PRKN: variants seen among roughly 807,000 people sequenced by gnomAD.
PRKN encodes E3 ubiquitin-protein ligase parkin.
In PRKN, 56 loss-of-function variants were observed where a neutral mutation model predicts 59.5. The ratio of observed to expected loss-of-function variants is 0.94; its 90% confidence interval spans 0.76 to 1.18. The LOEUF (loss-of-function observed/expected upper bound fraction) is 1.18. PRKN is among the 50% of genes most tolerant of loss of function. The pLI is 0.00. For synonymous variants in PRKN, 250 were observed against 222.1 expected, an observed-to-expected ratio of 1.13 and a Z score of -1.12; for missense variants, 657 against 596.4, an observed-to-expected ratio of 1.10 and a Z score of -1.06.
intron 9 of PRKN, among the ~76,000 whole-genome samples, chr6:161,524,931 T>C (rs1778964611): frequency 6.6e-6 from 1 of 152,170 alleles, no homozygotes; most frequent in Non-Finnish European, 1.5e-5. Flanking sequence ...TTGCATCCGT[T>C]TGATGTAGGA....
At chr6:162,414,524 G>A (rs1205041210) in intron 2 of PRKN, among the ~76,000 whole-genome samples, 3 of 151,370 alleles carry the variant, frequency 2.0e-5, no homozygotes, top group Admixed American at 2.0e-4. Context: ...TGGCTAACAT[G>A]GTGAAACCCC....
At chr6:162,479,281 G>T (rs1022740361) in intron 1 of PRKN, among the ~76,000 whole-genome samples, 1 of 151,348 alleles carries the variant, frequency 6.6e-6, no homozygotes, top group African/African-American at 2.4e-5. Context: ...GTTGGAGTGC[G>T]GTGGTGTGAT....
At chr6:162,100,922 T>A (rs921929195) in intron 4 of PRKN, among the ~76,000 whole-genome samples, 4 of 152,196 alleles carry the variant, frequency 2.6e-5, no homozygotes, top group Non-Finnish European at 5.9e-5. Context: ...CATTTTTAAA[T>A]TGGGTTACTT....
At chr6:162,009,013 G>T (rs553317320) in intron 5 of PRKN, among the ~76,000 whole-genome samples, 1 of 151,936 alleles carries the variant, frequency 6.6e-6, no homozygotes, top group African/African-American at 2.4e-5. Context: ...CCAGCACTTT[G>T]GGAGGCTGAG....
Position 161,395,832 on chromosome 6 carries a change from G to C in PRKN, c.1084-8955C>G, listed in dbSNP as rs1399970665. Among the ~76,000 whole-genome samples the C allele has an allele frequency of 6.6e-6, 1 of 152,200 alleles. No homozygotes were observed. Among genetic ancestry groups the C allele is most frequent in the Non-Finnish European group, 1.5e-5 (1 of 68,038 alleles). ...TGACTTTCCTCAGCTCAACACACATGGAGCTGGTCGTCTCATTCTGATGGG... is the reference window on the plus strand; with the variant it reads ...TGACTTTCCTCAGCTCAACACACATCGAGCTGGTCGTCTCATTCTGATGGG... On this transcript the variant is annotated intron_variant, in intron 9 of 11. Coordinates refer to ENST00000366898, the MANE Select transcript of PRKN (RefSeq NM_004562.3). The surrounding 1 kb of genome is among the most constrained non-coding windows in gnomAD (Gnocchi z 5.0).
chr6:162,075,424 G>C (rs1778781226), intron 4 of PRKN, among the ~76,000 whole-genome samples: 1 of 151,448 alleles, frequency 6.6e-6, no homozygotes, highest in Non-Finnish European at 1.5e-5. Context: ...GTGTAGTATA[G>C]TACTCTAACT....
rs372300268 is a variant in PRKN at position 162,250,039 on chromosome 6, C to T, written c.412+12486G>A. On this transcript the variant is annotated intron_variant, in intron 3 of 11. Transcript: ENST00000366898. ...CAGGCGCCTGTACTCCCAGCTACTCCGGAGGCTGAGGCAGGAGAATCGCTT... is the reference window on the plus strand; with the variant it reads ...CAGGCGCCTGTACTCCCAGCTACTCTGGAGGCTGAGGCAGGAGAATCGCTT... Among the ~76,000 whole-genome samples, 15 of 151,968 alleles carry T rather than the reference C, an allele frequency of 9.9e-5. 1 individual carries two copies. The highest frequency in any genetic ancestry group is 5.8e-4 in the East Asian group (3 of 5,150).
chr6:162,287,743 A>T (rs1781259676), intron 2 of PRKN, among the ~76,000 whole-genome samples: 1 of 152,186 alleles, frequency 6.6e-6, no homozygotes, highest in Admixed American at 6.5e-5. Flanking sequence ...ATTGATAACA[A>T]ATAACTAGCT....
At position 161,487,678 on chromosome 6, in the gene PRKN, G is replaced by A. The variant is rs1162500452; in HGVS notation, c.1083+61176C>T. Among the ~76,000 whole-genome samples, 1 of 152,148 alleles carries A rather than the reference G, an allele frequency of 6.6e-6. No individual in the cohort carries two copies. Among genetic ancestry groups the A allele is most frequent in the Non-Finnish European group, 1.5e-5 (1 of 68,032 alleles). On this transcript the variant is annotated intron_variant, in intron 9 of 11. Coordinates refer to ENST00000366898, the MANE Select transcript of PRKN (RefSeq NM_004562.3). The surrounding 1 kb of genome is among the most constrained non-coding windows in gnomAD (Gnocchi z 5.3). ...TATGATAATATGTGTATTCATGTAGGAGGTAGGGGTTGTGCCTTCTTTTCC... is the reference window on the plus strand; with the variant it reads ...TATGATAATATGTGTATTCATGTAGAAGGTAGGGGTTGTGCCTTCTTTTCC...
rs1306026221 is a variant in PRKN at position 161,810,065 on chromosome 6, C to T, written c.735-24157G>A. Among the ~76,000 whole-genome samples, 3 of 152,168 alleles carry T rather than the reference C, an allele frequency of 2.0e-5. No individual in the cohort carries two copies. The East Asian group carries it at 5.8e-4, about 29-fold the overall frequency. Reference sequence around the variant, plus strand: ...AATTCGTGCATTGAAGTCCTAACCCCTAGTGCCTCAGAATGTGATTATAGT... The same window carrying T: ...AATTCGTGCATTGAAGTCCTAACCCTTAGTGCCTCAGAATGTGATTATAGT... On this transcript the variant is annotated intron_variant, in intron 6 of 11. Coordinates refer to ENST00000366898, the MANE Select transcript of PRKN (RefSeq NM_004562.3).
intron 5 of PRKN, among the ~76,000 whole-genome samples, chr6:162,025,000 C>G (rs1033491218): frequency 6.7e-6 from 1 of 150,194 alleles, no homozygotes; most frequent in African/African-American, 2.4e-5. Flanking sequence ...ATGTTGTGTT[C>G]ATGTCCAGAT....
rs775445951 is a variant in PRKN at position 161,470,399 on chromosome 6, T to C, written c.1083+78455A>G. ...AGTGGTGGAAGACCTGAGGTTTTCC[T>C]CTAGGTAGAAGGAACTCCCATTATG... On this transcript the variant is annotated intron_variant, in intron 9 of 11. Transcript: ENST00000366898. The surrounding 1 kb of genome is among the most constrained non-coding windows in gnomAD (Gnocchi z 5.1). Among the ~76,000 whole-genome samples, 29 of 152,178 alleles carry C rather than the reference T, an allele frequency of 1.9e-4. No homozygotes were observed. Among genetic ancestry groups the C allele is most frequent in the Non-Finnish European group, 3.8e-4 (26 of 68,032 alleles).
At chr6:162,605,664 T>C (rs1781883917) in intron 1 of PRKN, among the ~76,000 whole-genome samples, 1 of 152,154 alleles carries the variant, frequency 6.6e-6, no homozygotes, top group African/African-American at 2.4e-5. Context: ...TTTACCTGTA[T>C]ACTTATATAG....
In PRKN at chr6:161,371,635, TTTTA is replaced by T. The variant is rs1364958364; in HGVS notation, c.1168-11434_1168-11431del. Among the ~76,000 whole-genome samples, 4 of 151,854 alleles carry T rather than the reference TTTTA, an allele frequency of 2.6e-5. No individual in the cohort carries two copies. Among genetic ancestry groups the T allele is most frequent in the African/African-American group, 9.7e-5 (4 of 41,340 alleles). Reference sequence around the variant, plus strand: ...GAATGCAATTCAGAAGGGCATTTGTTTTTATTTATTTATCTATTTTTGAGACGGA... The same window carrying T: ...GAATGCAATTCAGAAGGGCATTTGTTTTTATTTATCTATTTTTGAGACGGA... On this transcript the variant is annotated intron_variant, in intron 10 of 11. Coordinates refer to ENST00000366898, the MANE Select transcript of PRKN (RefSeq NM_004562.3). This position sits in a 1 kb window ranked among gnomAD's most constrained non-coding sequence, Gnocchi z 5.5.
At chr6:162,555,539 G>T (rs1779525382) in intron 1 of PRKN, among the ~76,000 whole-genome samples, 1 of 151,642 alleles carries the variant, frequency 6.6e-6, no homozygotes, top group Non-Finnish European at 1.5e-5. Flanking sequence ...CAAAAACACT[G>T]TTGCTGAGAT....
At chr6:162,641,871 A>T (rs1288596606) in intron 1 of PRKN, among the ~76,000 whole-genome samples, 1 of 152,216 alleles carries the variant, frequency 6.6e-6, no homozygotes, top group Non-Finnish European at 1.5e-5. Flanking sequence ...TTACCAAAAA[A>T]TTAACACGTT....
At chr6:162,562,953 C>G (rs1190402179) in intron 1 of PRKN, among the ~76,000 whole-genome samples, 1 of 152,200 alleles carries the variant, frequency 6.6e-6, no homozygotes, top group East Asian at 1.9e-4. Context: ...GCTTGTGTCA[C>G]TCCACCTCAA....
intron 7 of PRKN, among the ~76,000 whole-genome samples, chr6:161,604,839 G>A (rs937304190): frequency 2.0e-5 from 3 of 152,154 alleles, no homozygotes; most frequent in Non-Finnish European, 4.4e-5. Context: ...GGAGGCTGAG[G>A]CAAGAGAATC....
chr6:162,534,516 C>T lies in PRKN; in HGVS notation c.8-91043G>A, dbSNP rs945695468. ...ATTTTCTTCATTAGACCGCACACTC[C>T]TTGAAGTTTATATGGCTTTATTTTT... On this transcript the variant is annotated intron_variant, in intron 1 of 11. Coordinates refer to ENST00000366898, the MANE Select transcript of PRKN (RefSeq NM_004562.3). 7.9e-5 allele frequency among the ~76,000 whole-genome samples: 12 copies of T among 152,286 alleles called. No homozygotes were observed. The South Asian group carries it at 2.5e-3, about 32-fold the overall frequency.
Sources: gnomAD v4.1 joint callset for allele counts (sites outside exome capture counted in the v4.1 genomes callset) on GRCh38, gnomAD v4.1.1 for gene constraint, Gnocchi (gnomAD v3.1) non-coding constraint, MANE v1.5 for transcripts, NCBI Gene and HGNC (gene_info 2026-07-23, HGNC 2026-07-21) for gene names.